PSG2: variants seen among roughly 807,000 people sequenced by gnomAD.
PSG2 encodes pregnancy-specific beta-1-glycoprotein 2.
In PSG2, 49 loss-of-function variants were observed where a neutral mutation model predicts 36.2. The observed-to-expected ratio is 1.35, with a 90% CI of 1.08 to 1.72. The LOEUF (loss-of-function observed/expected upper bound fraction) is 1.72, where lower values mean the gene tolerates loss of function less well. Among genes scored for constraint, PSG2 ranks in the 40% most tolerant of loss-of-function variants. The pLI is 0.00. For missense variants in PSG2, 605 were observed against 407.2 expected (o/e 1.49, Z -4.18); for synonymous variants, 261 against 155.6 (o/e 1.68, Z -5.04).
chr19:43,076,842 A>G (rs1425681359), intron 2 of PSG2, among the ~76,000 whole-genome samples: 1 of 151,536 alleles, frequency 6.6e-6, no homozygotes, highest in East Asian at 1.9e-4. Context: ...TTATTTTGGA[A>G]TATTTGCCGT....
chr19:43,064,678 G>A (rs1488109237), intron 5 of PSG2, 77 bp from the exon 6 acceptor site: 30 of 531,290 alleles, frequency 5.6e-5, no homozygotes, highest in East Asian at 4.9e-4. Context: ...GTCTGGGAAT[G>A]ACAGAGATTT....
chr19:43,080,244 G>A (rs1194571176), intron 2 of PSG2, among the ~76,000 whole-genome samples: 3 of 151,678 alleles, frequency 2.0e-5, no homozygotes, highest in African/African-American at 7.3e-5. Flanking sequence ...TTGGCTGATG[G>A]TCTTCAAAGA....
chr19:43,068,877 G>A (rs1967778637), intron 4 of PSG2, among the ~76,000 whole-genome samples: 1 of 151,416 alleles, frequency 6.6e-6, no homozygotes, highest in Non-Finnish European at 1.5e-5. Flanking sequence ...GAAAAATTAG[G>A]CAAGAATTTA....
At chr19:43,073,788 T>TAA (rs1967852649) in intron 3 of PSG2, among the ~76,000 whole-genome samples, 5 of 151,670 alleles carry the variant, frequency 3.3e-5, no homozygotes, top group Admixed American at 2.6e-4. Context: ...AGATTGAGTA[T>TAA]TTCTTATGCA....
chr19:43,069,745 A>G (rs1967790491), intron 4 of PSG2, among the ~76,000 whole-genome samples: 1 of 151,616 alleles, frequency 6.6e-6, no homozygotes, highest in Admixed American at 6.6e-5. Flanking sequence ...AAACTGTACA[A>G]CTCTTAGAAG....
chr19:43,068,272 A>C (rs577002872), intron 4 of PSG2, among the ~76,000 whole-genome samples: 1,586 of 151,326 alleles, frequency 0.01, 30 homozygotes, highest in Non-Finnish European at 0.012. Context: ...CTGTGTGTAC[A>C]AAAAAATAAA....
At chr19:43,072,502 G>T (rs1967834264) in intron 3 of PSG2, 3 of 1,611,274 alleles carry the variant, frequency 1.9e-6, no homozygotes, top group Non-Finnish European at 1.7e-6. Flanking sequence ...TGACCGGGAG[G>T]CTCTGACCAT....
chr19:43,064,796 A>G (rs919915384), intron 5 of PSG2, among the ~76,000 whole-genome samples, 195 bp from the exon 6 acceptor site: 1 of 151,718 alleles, frequency 6.6e-6, no homozygotes, highest in Non-Finnish European at 1.5e-5. Flanking sequence ...AACATATTTG[A>G]TTTTCAGAAA....
chr19:43,073,090 T>G (rs1973303), intron 3 of PSG2, among the ~76,000 whole-genome samples: 44,899 of 151,424 alleles, frequency 0.3, 8,772 homozygotes, highest in African/African-American at 0.53. Context: ...GACTTCCCAT[T>G]GTCCTGAAAC....
chr19:43,066,877 A>G (rs1468239767), intron 4 of PSG2, among the ~76,000 whole-genome samples: 2 of 150,392 alleles, frequency 1.3e-5, no homozygotes, highest in African/African-American at 4.9e-5. Context: ...GCTATTTTCT[A>G]TGTCATTAGA....
chr19:43,080,388 T>A (rs1485184812), intron 2 of PSG2, among the ~76,000 whole-genome samples: 2 of 151,648 alleles, frequency 1.3e-5, no homozygotes, highest in Non-Finnish European at 2.9e-5. Flanking sequence ...AGACAGCTGG[T>A]AAATCCTTGG....
rs570728063 is a variant in PSG2, at chr19:43,075,448, A to G, written c.615T>C (p.Phe205=). The G allele has an allele frequency of 3.5e-5, 56 of 1,613,202 alleles. 2 individuals carry two copies. In the South Asian group the frequency reaches 4.2e-4, roughly 12 times the overall value. The stretch of plus-strand genomic sequence containing the variant: ...GTCCTGCAGTATACTTTGTGACACC[A>G]AATAGAAAGAGGGTCCTGTTGGTTT... ...LSETNRTLFL[F]GVTKYTAGPY... The change falls in exon 3 of 6, where the codon TTT becomes TTC. Residue 205 remains phenylalanine (F), a synonymous_variant. Transcript: ENST00000406487.
chr19:43,072,970 G>A (rs1456531619), intron 3 of PSG2, among the ~76,000 whole-genome samples: 4 of 151,624 alleles, frequency 2.6e-5, no homozygotes, highest in African/African-American at 4.9e-5. Context: ...TCCTTACCTG[G>A]AATGTGCAAC....
rs748392060 is a variant in PSG2, at chr19:43,081,153, A to G, written c.158T>C (p.Leu53Pro). Residue 53 changes from leucine (L) to proline (P), a missense_variant, in exon 2 of 6, where the codon CTA (leucine) becomes CCA (proline). Coordinates refer to ENST00000406487, the MANE Select transcript of PSG2 (RefSeq NM_031246.4). ...ATTCTGGGGCAAATTGTGGACAAGT[A>G]GAAGAACATCCTTCCCCTCGGAAAC... ...PKVSEGKDVL[L>P]LVHNLPQNLT... 1.9e-6 allele frequency: 3 copies of G among 1,612,780 alleles called. No individual in the cohort carries two copies. Among genetic ancestry groups the G allele is most frequent in the Non-Finnish European group, 2.5e-6 (3 of 1,179,628 alleles).
At chr19:43,079,086 G>A (rs1292761286) in intron 2 of PSG2, among the ~76,000 whole-genome samples, 1 of 151,718 alleles carries the variant, frequency 6.6e-6, no homozygotes, top group Non-Finnish European at 1.5e-5. Flanking sequence ...CCTAGTTAGA[G>A]GGAGTGTCTG....
Position 43,072,566 on chromosome 19 carries a change from A to G in PSG2, c.710-612T>C, listed in dbSNP as rs570468832. 50 of 1,611,404 alleles carry G rather than the reference A, an allele frequency of 3.1e-5. No homozygotes were observed. The African/African-American group carries it at 4.7e-4, about 15-fold the overall frequency. ...ACTCTTAGGTTCACAGGTGAAGGCT[A>G]ATACATCCTTATTCTCCCTGGGGTT... On this transcript the variant is annotated intron_variant, in intron 3 of 5. Coordinates refer to ENST00000406487, the MANE Select transcript of PSG2 (RefSeq NM_031246.4).
At chr19:43,065,133 C>T (rs1285371747) in intron 5 of PSG2, among the ~76,000 whole-genome samples, 2 of 151,650 alleles carry the variant, frequency 1.3e-5, no homozygotes, top group Non-Finnish European at 1.5e-5. Context: ...TCGCGCTCAG[C>T]CTAGAATACT....
intron 1 of PSG2, chr19:43,081,930 A>C (rs1967983059): frequency 6.6e-6 from 1 of 152,468 alleles, no homozygotes; most frequent in African/African-American, 2.5e-5. Context: ...CATCTGATAT[A>C]GTTATTATTA....
intron 2 of PSG2, among the ~76,000 whole-genome samples, chr19:43,076,605 A>G (rs1261029013): frequency 6.6e-6 from 1 of 151,552 alleles, no homozygotes; most frequent in African/African-American, 2.4e-5. Flanking sequence ...TAACTACCCT[A>G]TGTACCTCAT....
Sources: gnomAD v4.1 joint callset for allele counts (sites outside exome capture counted in the v4.1 genomes callset) on GRCh38, gnomAD v4.1.1 for gene constraint, MANE v1.5 for transcripts, NCBI Gene and HGNC (gene_info 2026-07-23, HGNC 2026-07-21) for gene names.